The following HLA-DOA variants were observed in gnomAD, a reference collection of about 807,000 sequenced individuals.
HLA-DOA encodes the protein major histocompatibility complex, class II, DO alpha, also known as HLA class II histocompatibility antigen, DO alpha chain.
A neutral mutation model predicts 22.9 loss-of-function variants in HLA-DOA; 27 were observed. The observed-to-expected ratio is 1.18, with a 90% confidence interval of 0.87 to 1.62. The LOEUF (loss-of-function observed/expected upper bound fraction) is 1.62, where lower values mean the gene tolerates loss of function less well. Among genes scored for constraint, HLA-DOA ranks in the 40% most tolerant of loss-of-function variants. HLA-DOA has a pLI of 0.00. For missense variants in HLA-DOA, 324 were observed against 332.4 expected (o/e 0.97, Z 0.20); for synonymous variants, 137 against 138.6 (o/e 0.99, Z 0.08).
chr6:33,007,291 A>G lies in HLA-DOA; in HGVS notation c.613+20T>C, dbSNP rs202002238. On this transcript the variant is annotated intron_variant, in intron 3 of 4. Transcript: ENST00000229829. The stretch of plus-strand genomic sequence containing the variant: ...AGGAAACCTGGGGCCAGGAGGGTGC[A>G]TGGGGAGGGGGCTCCGTACCCCAAT... The G allele has an allele frequency of 6.2e-7, 1 of 1,613,118 alleles. No homozygotes were observed.
rs527679850 is a variant in HLA-DOA, at chr6:33,004,306, T to C, written c.*2532A>G. The C allele has an allele frequency of 6.6e-6, 1 of 152,336 alleles. No homozygotes were observed. The highest frequency in any genetic ancestry group is 1.5e-5 in the Non-Finnish European group (1 of 68,022). The allele number at this position is 152,336 out of a possible 1,614,324, so 9.4% of individuals were successfully genotyped here. A position where few individuals can be genotyped will look rare whatever the true frequency, so the allele number is the denominator to read the frequency against. ...AAGATCAGCAGAGATCAGAGATTGT[T>C]GGGTACACACGTATCTTGTGATGTC... On this transcript the variant is annotated 3_prime_UTR_variant, in exon 5 of 5. Transcript: ENST00000229829.
chr6:33,007,923 C>T (rs1241625329), intron 2 of HLA-DOA, 90 bp downstream of exon 2: 3 of 1,470,952 alleles, frequency 2.0e-6, no homozygotes, highest in Non-Finnish European at 1.8e-6. Context: ...GCGCTGAGAG[C>T]GCGCCCCAGA....
At position 33,007,521 on chromosome 6, in the gene HLA-DOA, C is replaced by T. The variant is rs565438950; in HGVS notation, c.403G>A (p.Val135Met). The change falls in exon 3 of 5, where the codon GTG (valine) becomes ATG (methionine). Residue 135 changes from valine (V) to methionine (M), a missense_variant. Coordinates refer to ENST00000229829, the MANE Select transcript of HLA-DOA (RefSeq NM_002119.4). ...ATCACAGGGGGGAAGATGTTGTCCACGATGCAGATGAGGATGTTGGGCTGG... is the reference window on the plus strand; with the variant it reads ...ATCACAGGGGGGAAGATGTTGTCCATGATGCAGATGAGGATGTTGGGCTGG... ...LGQPNILICI[V>M]DNIFPPVINI... The T allele has an allele frequency of 1.3e-5, 21 of 1,612,868 alleles. No homozygotes were observed. The highest frequency in any genetic ancestry group is 1.6e-4 in the Middle Eastern group (1 of 6,084).
At position 33,005,504 on chromosome 6, in the gene HLA-DOA, T is replaced by TC. The variant is rs1386683572; in HGVS notation, c.*1333dup. On this transcript the variant is annotated 3_prime_UTR_variant, in exon 5 of 5. Coordinates refer to ENST00000229829, the MANE Select transcript of HLA-DOA (RefSeq NM_002119.4). Reference sequence around the variant, plus strand: ...AGACCCCATCTCAGAAAAGACAGCCTCCCTGTTGCTGCCCCCTGCACTCCC... The same window carrying TC: ...AGACCCCATCTCAGAAAAGACAGCCTCCCCTGTTGCTGCCCCCTGCACTCCC... 1 of 151,658 alleles carries TC rather than the reference T, an allele frequency of 6.6e-6. No homozygotes were observed. The highest frequency in any genetic ancestry group is 2.4e-5 in the African/African-American group (1 of 41,186). The allele number at this position is 151,658 out of a possible 1,614,324, so 9.4% of individuals were successfully genotyped here. A position where few individuals can be genotyped will look rare whatever the true frequency, so the allele number is the denominator to read the frequency against.
chr6:33,009,331 G>T lies in HLA-DOA; in HGVS notation c.82+124C>A. ...AGATGAGGGGGATTGGGTGTCTCTT[G>T]GTGAAGGAAGTTGCCCATAAACCAG... On this transcript the variant is annotated intron_variant, in intron 1 of 4. Transcript: ENST00000229829. This position sits in a 1 kb window ranked among gnomAD's most constrained non-coding sequence, Gnocchi z 4.8. 1.7e-6 allele frequency: 1 copy of T among 595,258 alleles called. No individual in the cohort carries two copies. Among genetic ancestry groups the T allele is most frequent in the Non-Finnish European group, 2.8e-6 (1 of 356,510 alleles). The allele number at this position is 595,258 out of a possible 1,614,324, so 36.9% of individuals were successfully genotyped here.
At chr6:33,007,984 G>T in intron 2 of HLA-DOA, 29 bp downstream of exon 2, 1 of 1,599,350 alleles carries the variant, frequency 6.3e-7, no homozygotes, top group South Asian at 1.1e-5. Flanking sequence ...CTTCCCGCCT[G>T]ACTGGGTGGG....
Position 33,005,352 on chromosome 6 carries a change from T to C in HLA-DOA, c.*1486A>G, listed in dbSNP as rs1258506191. The C allele has an allele frequency of 6.6e-6, 1 of 151,924 alleles. No individual in the cohort carries two copies. Among genetic ancestry groups the C allele is most frequent in the African/African-American group, 2.4e-5 (1 of 41,294 alleles). The allele number at this position is 151,924 out of a possible 1,614,324, so 9.4% of individuals were successfully genotyped here. ...ACTTAAAATACAAAAATTAGCTGAG[T>C]GTAGTGGCGCACACCTGTAGTCCCA... On this transcript the variant is annotated 3_prime_UTR_variant, in exon 5 of 5. Coordinates refer to ENST00000229829, the MANE Select transcript of HLA-DOA (RefSeq NM_002119.4).
At chr6:33,006,917 C>A (rs1780831871) in intron 4 of HLA-DOA, 76 bp from the exon 5 acceptor site, 2 of 1,441,138 alleles carry the variant, frequency 1.4e-6, no homozygotes, top group African/African-American at 1.4e-5. Flanking sequence ...GTGCCCACCT[C>A]CCCCAAAACC....
At position 33,009,456 on chromosome 6, in the gene HLA-DOA, C is replaced by G; in HGVS notation, c.81G>C (p.Lys27Asn). 1 of 1,598,058 alleles carries G rather than the reference C, an allele frequency of 6.3e-7. No individual in the cohort carries two copies. The highest frequency in any genetic ancestry group is 8.5e-7 in the Non-Finnish European group (1 of 1,174,402). ...LLSPQEAGAT[K>N]ADHMGSYGPA... Reference sequence around the variant, plus strand: ...CACCCTCCTCGCCCTCGCACTCACCCTTGGTGGCCCCTGCCTCCTGCGGGC... The same window carrying G: ...CACCCTCCTCGCCCTCGCACTCACCGTTGGTGGCCCCTGCCTCCTGCGGGC... Residue 27 changes from lysine (K) to asparagine (N), a missense_variant and splice_region_variant, in exon 1 of 5, where the codon AAG (lysine) becomes AAC (asparagine). By Grantham distance (94) the Lys-to-Asn change is moderately conservative. Transcript: ENST00000229829. This position sits in a 1 kb window ranked among gnomAD's most constrained non-coding sequence, Gnocchi z 4.8.
At chr6:33,007,273 C>G (rs750220929) in intron 3 of HLA-DOA, 38 bp downstream of exon 3, 1 of 1,613,266 alleles carries the variant, frequency 6.2e-7, no homozygotes, top group Non-Finnish European at 8.5e-7. Context: ...TAAAGGAAAC[C>G]TGGGGCCAGG....
rs1780955872 is a variant in HLA-DOA, at chr6:33,009,144, G to T, written c.82+311C>A. ...TCGGGCACATTCCCGGCCAGGGGTGGTAGAGAAATCAGGGTGCTTGCTGGC... is the reference window on the plus strand; with the variant it reads ...TCGGGCACATTCCCGGCCAGGGGTGTTAGAGAAATCAGGGTGCTTGCTGGC... On this transcript the variant is annotated intron_variant, in intron 1 of 4. Transcript: ENST00000229829. This position sits in a 1 kb window ranked among gnomAD's most constrained non-coding sequence, Gnocchi z 4.8. 6.6e-6 allele frequency among the ~76,000 whole-genome samples: 1 copy of T among 152,178 alleles called. No homozygotes were observed. Among genetic ancestry groups the T allele is most frequent in the African/African-American group, 2.4e-5 (1 of 41,436 alleles).
In HLA-DOA at chr6:33,005,393, G is replaced by A. The variant is rs1780769305; in HGVS notation, c.*1445C>T. ...TGTAGTCCCAGCTACTCAGGAGGCT[G>A]AGGCAGGAGAATGGCTTGAACTCAG... On this transcript the variant is annotated 3_prime_UTR_variant, in exon 5 of 5. Coordinates refer to ENST00000229829, the MANE Select transcript of HLA-DOA (RefSeq NM_002119.4). 6.6e-6 allele frequency: 1 copy of A among 152,304 alleles called. No homozygotes were observed. 9.4% of individuals were successfully genotyped at this position (152,304 alleles called of 1,614,324 possible). A position where few individuals can be genotyped will look rare whatever the true frequency, so the allele number is the denominator to read the frequency against.
At position 33,007,077 on chromosome 6, in the gene HLA-DOA, C is replaced by T. The variant is rs1419157648; in HGVS notation, c.749+3G>A. 6.2e-7 allele frequency: 1 copy of T among 1,608,038 alleles called. No individual in the cohort carries two copies. Among genetic ancestry groups the T allele is most frequent in the East Asian group, 2.2e-5 (1 of 44,808 alleles). On this transcript the variant is annotated splice_donor_region_variant and intron_variant, in intron 4 of 4. Coordinates refer to ENST00000229829, the MANE Select transcript of HLA-DOA (RefSeq NM_002119.4). Reference sequence around the variant, plus strand: ...ACCCCCCAGACTCCCGGGGCCTCTGCACCTGGGGACACTGGACACATATGT... The same window carrying T: ...ACCCCCCAGACTCCCGGGGCCTCTGTACCTGGGGACACTGGACACATATGT...
chr6:33,007,685 T>C lies in HLA-DOA; in HGVS notation c.332-93A>G, dbSNP rs1780881310. 4 of 1,424,114 alleles carry C rather than the reference T, an allele frequency of 2.8e-6. No homozygotes were observed. In the South Asian group the frequency reaches 5.4e-5, roughly 19 times the overall value. The allele number at this position is 1,424,114 out of a possible 1,614,324, so 88.2% of individuals were successfully genotyped here. A position where few individuals can be genotyped will look rare whatever the true frequency, so the allele number is the denominator to read the frequency against. ...AAGGGACGTTCCCCCTTTGTAGCCA[T>C]CTGTGGGCAGGGGATGCTCTGGGGT... On this transcript the variant is annotated intron_variant, in intron 2 of 4. Coordinates refer to ENST00000229829, the MANE Select transcript of HLA-DOA (RefSeq NM_002119.4).
intron 4 of HLA-DOA, 79 bp downstream of exon 4, chr6:33,007,001 T>A (rs1780835509): frequency 2.0e-6 from 3 of 1,534,212 alleles, no homozygotes; most frequent in Non-Finnish European, 2.7e-6. Flanking sequence ...CACAACAGAA[T>A]CTCTGATTCT....
In HLA-DOA at chr6:33,007,804, G is replaced by T. The variant is rs1780887549; in HGVS notation, c.331+209C>A. The T allele has an allele frequency of 4.8e-6, 4 of 831,466 alleles. No homozygotes were observed. The Admixed American group carries it at 1.2e-4, about 24-fold the overall frequency. The allele number at this position is 831,466 out of a possible 1,614,324, so 51.5% of individuals were successfully genotyped here. ...GCTCCTATATTTGACTGGTCCCTGG[G>T]CGGGAGTCCGGGTGAGAGGTGTCAT... is the stretch of plus-strand genomic sequence containing the variant. On this transcript the variant is annotated intron_variant, in intron 2 of 4. Coordinates refer to ENST00000229829, the MANE Select transcript of HLA-DOA (RefSeq NM_002119.4).
chr6:33,008,851 C>G (rs2127551136), intron 1 of HLA-DOA, among the ~76,000 whole-genome samples: 1 of 152,294 alleles, frequency 6.6e-6, no homozygotes, highest in Non-Finnish European at 1.5e-5. Flanking sequence ...AGCATTATGA[C>G]TGAGTGTGGC....
chr6:33,008,859 G>A (rs1384451765), intron 1 of HLA-DOA, among the ~76,000 whole-genome samples: 2 of 152,086 alleles, frequency 1.3e-5, no homozygotes, highest in Non-Finnish European at 2.9e-5. Flanking sequence ...GACTGAGTGT[G>A]GCTCTTCCAT....
Position 33,006,702 on chromosome 6 carries a change from C to T in HLA-DOA, c.*136G>A, listed in dbSNP as rs372446353. 26 of 1,412,692 alleles carry T rather than the reference C, an allele frequency of 1.8e-5. No homozygotes were observed. The highest frequency in any genetic ancestry group is 3.5e-5 in the South Asian group (3 of 86,306). 87.5% of individuals were successfully genotyped at this position (1,412,692 alleles called of 1,614,324 possible). On this transcript the variant is annotated 3_prime_UTR_variant, in exon 5 of 5. Coordinates refer to ENST00000229829, the MANE Select transcript of HLA-DOA (RefSeq NM_002119.4). ...TACTGGGGCCAAAAAAGAGGGGACC[C>T]GTAGGACAGATGTTGATCCCACTCA...
Sources: gnomAD v4.1 joint callset for allele counts (sites outside exome capture counted in the v4.1 genomes callset) on GRCh38, gnomAD v4.1.1 for gene constraint, Gnocchi (gnomAD v3.1) non-coding constraint, MANE v1.5 for transcripts, NCBI Gene and HGNC (gene_info 2026-07-23, HGNC 2026-07-21) for gene names.